ATP8B4: variants seen among roughly 807,000 people sequenced by gnomAD.
ATP8B4 encodes the protein ATPase phospholipid transporting 8B4 (putative), also known as probable phospholipid-transporting ATPase IM.
ATP8B4 carries 133 observed loss-of-function variants against 145.6 expected under a neutral mutation model. The observed-to-expected ratio is 0.91, with a 90% CI of 0.79 to 1.05. ATP8B4 has a LOEUF of 1.05. Among genes scored for constraint, ATP8B4 ranks in the 50% least tolerant of loss-of-function variants. The pLI is 0.00. For missense variants in ATP8B4, 1,458 were observed against 1,425.2 expected (o/e 1.02, Z -0.37); for synonymous variants, 507 against 492.9 (o/e 1.03, Z -0.38).
chr15:49,917,454 A>T (rs1484877983), intron 19 of ATP8B4, among the ~76,000 whole-genome samples: 1 of 152,200 alleles, frequency 6.6e-6, no homozygotes, highest in African/African-American at 2.4e-5. Flanking sequence ...AATGGAAGAC[A>T]ATTTGAAGAA....
intron 6 of ATP8B4, among the ~76,000 whole-genome samples, chr15:50,032,259 C>T (rs2050505379): frequency 6.6e-6 from 1 of 152,056 alleles, no homozygotes; most frequent in African/African-American, 2.4e-5. Flanking sequence ...TGTTCAACTC[C>T]CACTTATGAA....
chr15:49,915,068 T>G (rs1190374568), intron 20 of ATP8B4, among the ~76,000 whole-genome samples: 4 of 152,100 alleles, frequency 2.6e-5, no homozygotes, highest in Non-Finnish European at 5.9e-5. Flanking sequence ...CAAGTGTCCA[T>G]AAATGGATGA....
At chr15:49,916,733 C>T (rs2039776983) in intron 20 of ATP8B4, among the ~76,000 whole-genome samples, 1 of 152,124 alleles carries the variant, frequency 6.6e-6, no homozygotes, top group Non-Finnish European at 1.5e-5. Flanking sequence ...GGCCTGAAGA[C>T]AATAATTCAT....
rs1291537373 is a variant in ATP8B4, at chr15:49,878,839, A to G, written c.2781+537T>C. Among the ~76,000 whole-genome samples the G allele has an allele frequency of 2.0e-5, 3 of 152,312 alleles. No individual in the cohort carries two copies. In the East Asian group the frequency reaches 5.8e-4, roughly 29 times the overall value. ...GTGGCTCCTGTTCTGGGCTGTGTGT[A>G]ACAAGGAAGTCTCACTGCAGATGTT... is the stretch of plus-strand genomic sequence containing the variant. On this transcript the variant is annotated intron_variant, in intron 24 of 27. Transcript: ENST00000284509.
In ATP8B4 at chr15:49,923,389, T is replaced by A. The variant is rs763649321; in HGVS notation, c.1748A>T (p.Asp583Val). ...GACGGAGGCACTTACACTGAGGTGGTCTGACGTCAAAGACAAAAGGACTTC... is the reference window on the plus strand; with the variant it reads ...GACGGAGGCACTTACACTGAGGTGGACTGACGTCAAAGACAAAAGGACTTC... ...SNEVLLSLTSDHLSEFAGEGL... is the reference protein window; with the variant it reads ...SNEVLLSLTSVHLSEFAGEGL... Residue 583 changes from aspartate to valine, a missense_variant, in exon 17 of 28, where the codon GAC becomes GTC. Physicochemically the swap from Asp to Val is radical, Grantham distance 152 (BLOSUM62 -3). Coordinates refer to ENST00000284509, the MANE Select transcript of ATP8B4 (RefSeq NM_024837.4). The A allele has an allele frequency of 6.2e-7, 1 of 1,608,826 alleles. No individual in the cohort carries two copies. The highest frequency in any genetic ancestry group is 1.1e-5 in the South Asian group (1 of 90,928).
chr15:49,906,706 G>A (rs1355542745), intron 20 of ATP8B4, among the ~76,000 whole-genome samples: 3 of 152,158 alleles, frequency 2.0e-5, no homozygotes, highest in East Asian at 1.9e-4. Flanking sequence ...AGAAGGGGGG[G>A]ATTTCTTTAA....
intron 6 of ATP8B4, among the ~76,000 whole-genome samples, chr15:50,020,229 A>G (rs1449808040): frequency 1.4e-5 from 2 of 147,962 alleles, no homozygotes; most frequent in Non-Finnish European, 3.0e-5. Context: ...TGCTGAGATT[A>G]TAGGCATAGG....
chr15:50,069,058 C>G (rs1180199268), intron 3 of ATP8B4, among the ~76,000 whole-genome samples: 3 of 152,096 alleles, frequency 2.0e-5, no homozygotes, highest in Admixed American at 6.6e-5. Flanking sequence ...CAACTGTTTT[C>G]TACTTCTATT....
intron 5 of ATP8B4, among the ~76,000 whole-genome samples, chr15:50,039,885 T>G (rs1372750253): frequency 6.6e-6 from 1 of 152,220 alleles, no homozygotes; most frequent in Non-Finnish European, 1.5e-5. Context: ...AGTTAATAGA[T>G]ATTACCAGTA....
Position 49,989,978 on chromosome 15 carries a change from G to A in ATP8B4, c.590-2429C>T, listed in dbSNP as rs375488085. Among the ~76,000 whole-genome samples the A allele has an allele frequency of 9.2e-5, 14 of 152,226 alleles. No homozygotes were observed. In the East Asian group the frequency reaches 1.4e-3, roughly 15 times the overall value. On this transcript the variant is annotated intron_variant, in intron 9 of 27. Transcript: ENST00000284509. ...GATAGAAAAAATTTCAGATGATTTCGAGAGAGGTTAAGAGATGAGATGGAT... is the reference window on the plus strand; with the variant it reads ...GATAGAAAAAATTTCAGATGATTTCAAGAGAGGTTAAGAGATGAGATGGAT...
upstream of ATP8B4, among the ~76,000 whole-genome samples, chr15:50,120,737 A>G (rs1042770608): frequency 6.6e-6 from 1 of 152,202 alleles, no homozygotes; most frequent in African/African-American, 2.4e-5. Context: ...TGGCTTACAT[A>G]TAAGAGACTG....
chr15:49,925,754 A>C (rs536173766), intron 16 of ATP8B4, among the ~76,000 whole-genome samples: 77 of 152,322 alleles, frequency 5.1e-4, no homozygotes, highest in East Asian at 3.5e-3. Flanking sequence ...GTGGAAATCC[A>C]ATTTCATGGA....
chr15:50,090,651 A>T (rs547643806), intron 2 of ATP8B4, among the ~76,000 whole-genome samples: 4 of 152,330 alleles, frequency 2.6e-5, no homozygotes, highest in East Asian at 1.9e-4. Context: ...TTTCGTTTTT[A>T]AAAAAGTGAA....
chr15:50,061,716 AT>A lies in ATP8B4; in HGVS notation c.87+12410del, dbSNP rs142538864. Among the ~76,000 whole-genome samples the A allele has an allele frequency of 1.4e-3, 211 of 152,284 alleles. 2 individuals are homozygous for A. The highest frequency in any genetic ancestry group is 4.8e-3 in the African/African-American group (201 of 41,558). ...GGCACTTGGCTTTTTGAGTAGCCAA[AT>A]GGTTCCCCAAATCCAGACAGGGATT... On this transcript the variant is annotated intron_variant, in intron 3 of 27. Transcript: ENST00000284509.
At chr15:49,897,739 G>T (rs1410741962) in intron 22 of ATP8B4, among the ~76,000 whole-genome samples, 1 of 152,204 alleles carries the variant, frequency 6.6e-6, no homozygotes, top group Non-Finnish European at 1.5e-5. Context: ...TTTACAATTT[G>T]TAAGTGGCAA....
At chr15:50,110,954 GA>G (rs1391881412) in intron 1 of ATP8B4, among the ~76,000 whole-genome samples, 1 of 151,940 alleles carries the variant, frequency 6.6e-6, no homozygotes, top group Non-Finnish European at 1.5e-5. Flanking sequence ...CTTGGTCACA[GA>G]AAATAGTTTT....
At chr15:50,073,017 T>TACAC (rs1292685906) in intron 3 of ATP8B4, among the ~76,000 whole-genome samples, 173 of 31,604 alleles carry the variant, frequency 5.5e-3, no homozygotes, top group South Asian at 9.3e-3. Flanking sequence ...TATATATATA[T>TACAC]ATACACACAC....
At chr15:49,866,049 T>C (rs1186451005) in intron 26 of ATP8B4, among the ~76,000 whole-genome samples, 1 of 152,234 alleles carries the variant, frequency 6.6e-6, no homozygotes, top group Non-Finnish European at 1.5e-5. Context: ...TGACAGGTCT[T>C]CAGGTAGCCC....
At position 49,972,397 on chromosome 15, in the gene ATP8B4, A is replaced by G. The variant is rs532729390; in HGVS notation, c.1243+185T>C. Among the ~76,000 whole-genome samples the G allele has an allele frequency of 4.1e-4, 63 of 152,264 alleles. 3 individuals are homozygous for G. In the South Asian group the frequency reaches 0.013, roughly 31 times the overall value. On this transcript the variant is annotated intron_variant, in intron 13 of 27. Transcript: ENST00000284509. ...ATCTAAATTACTCAACATTTATCCA[A>G]TACATATTTAGTGAGAATTTATCAT...
Sources: gnomAD v4.1 joint callset for allele counts (sites outside exome capture counted in the v4.1 genomes callset) on GRCh38, gnomAD v4.1.1 for gene constraint, MANE v1.5 for transcripts, NCBI Gene and HGNC (gene_info 2026-07-23, HGNC 2026-07-21) for gene names.